The following ABCC4 variants were observed in gnomAD, a reference collection of about 807,000 sequenced individuals.
ABCC4 encodes the protein ATP-binding cassette sub-family C member 4.
In ABCC4, 102 loss-of-function variants were observed where a neutral mutation model predicts 168.5. The observed-to-expected ratio is 0.61, with a 90% CI of 0.52 to 0.71. The LOEUF (loss-of-function observed/expected upper bound fraction) is 0.71. Among genes scored for constraint, ABCC4 ranks in the 30% least tolerant of loss-of-function variants. ABCC4 has a pLI of 0.00. For synonymous variants in ABCC4, 617 were observed against 590.7 expected, an observed-to-expected ratio of 1.04 and a Z score of -0.65; for missense variants, 1,402 against 1,605.8, an observed-to-expected ratio of 0.87 and a Z score of 2.17.
chr13:95,265,586 C>G (rs2138863688), intron 1 of ABCC4, among the ~76,000 whole-genome samples: 1 of 152,238 alleles, frequency 6.6e-6, no homozygotes, highest in Middle Eastern at 3.4e-3. Context: ...TAGGAAATTA[C>G]TGAACAGCTG....
intron 4 of ABCC4, among the ~76,000 whole-genome samples, chr13:95,215,091 A>G (rs1231372790): frequency 6.6e-6 from 1 of 152,188 alleles, no homozygotes; most frequent in Non-Finnish European, 1.5e-5. Context: ...GATCTACAGA[A>G]AGAATAAAGA....
In ABCC4 at chr13:95,217,396, T is replaced by C. The variant is rs2039146884; in HGVS notation, c.532-6615A>G. Among the ~76,000 whole-genome samples, 4 of 152,156 alleles carry C rather than the reference T, an allele frequency of 2.6e-5. No homozygotes were observed. In the South Asian group the frequency reaches 8.3e-4, roughly 32 times the overall value. ...ATTAAATGCATTAATCCAATCTTCA[T>C]TTTAACAGATGTCTTTCCCCCCTCT... On this transcript the variant is annotated intron_variant, in intron 4 of 30. Transcript: ENST00000645237.
intron 20 of ABCC4, among the ~76,000 whole-genome samples, chr13:95,090,427 A>C (rs1186911275): frequency 8.5e-5 from 13 of 152,248 alleles, no homozygotes; most frequent in Admixed American, 7.2e-4. Flanking sequence ...ACCCAAAGAG[A>C]TCTCTGTGAG....
chr13:95,247,567 C>T lies in ABCC4; in HGVS notation c.185+76G>A. 20 of 1,142,970 alleles carry T rather than the reference C, an allele frequency of 1.7e-5. 1 individual carries two copies. In the South Asian group the frequency reaches 1.9e-4, roughly 11 times the overall value. 70.8% of individuals were successfully genotyped at this position (1,142,970 alleles called of 1,614,324 possible). On this transcript the variant is annotated intron_variant, in intron 2 of 30. Coordinates refer to ENST00000645237, the MANE Select transcript of ABCC4 (RefSeq NM_005845.5). ...GGTAAACGGAGGCTCCAGACAGGAC[C>T]CAGGAAGGCAAAACCCACTCCCCAC...
intron 4 of ABCC4, among the ~76,000 whole-genome samples, chr13:95,212,992 T>G (rs958983594): frequency 1.3e-5 from 2 of 152,078 alleles, no homozygotes; most frequent in African/African-American, 4.8e-5. Context: ...CCAGGCATGA[T>G]GGCAGGTGCC....
rs1183766111 is a variant in ABCC4 at position 95,021,479 on chromosome 13, ATTTGT to A, written c.*91_*95del. On this transcript the variant is annotated 3_prime_UTR_variant, in exon 31 of 31. Coordinates refer to ENST00000645237, the MANE Select transcript of ABCC4 (RefSeq NM_005845.5). The stretch of plus-strand genomic sequence containing the variant: ...GAACTAGCATCTTGTATGTATAAAT[ATTTGT>A]TGCCAAAGTAAAAAAAAGTACAATG... 1.3e-6 allele frequency: 1 copy of A among 770,908 alleles called. No homozygotes were observed. The highest frequency in any genetic ancestry group is 2.5e-5 in the Admixed American group (1 of 40,070). The allele number at this position is 770,908 out of a possible 1,614,324, so 47.8% of individuals were successfully genotyped here.
At chr13:95,048,284 T>C (rs938852438) in intron 27 of ABCC4, among the ~76,000 whole-genome samples, 1 of 152,180 alleles carries the variant, frequency 6.6e-6, no homozygotes, top group African/African-American at 2.4e-5. Flanking sequence ...TCAAACACAA[T>C]GTATCAGGTT....
chr13:95,046,766 TA>T (rs113569912), intron 27 of ABCC4, among the ~76,000 whole-genome samples: 9 of 148,130 alleles, frequency 6.1e-5, no homozygotes, highest in East Asian at 2.0e-4. Context: ...CTGTCTCAAT[TA>T]AAAAAAAAAG....
chr13:95,293,265 G>A (rs1295183238), intron 1 of ABCC4, among the ~76,000 whole-genome samples: 1 of 151,934 alleles, frequency 6.6e-6, no homozygotes, highest in Admixed American at 6.6e-5. Flanking sequence ...GGCTGCGGCA[G>A]GAGAATCGCT....
intron 7 of ABCC4, 128 bp from the exon 8 acceptor site, chr13:95,206,909 C>CAA: frequency 1.9e-6 from 2 of 1,025,932 alleles, no homozygotes; most frequent in Non-Finnish European, 2.9e-6. Context: ...TGAGACCATC[C>CAA]TGGGCAACAA....
chr13:95,140,622 G>GA (rs1045775819), intron 19 of ABCC4, among the ~76,000 whole-genome samples: 26 of 150,270 alleles, frequency 1.7e-4, no homozygotes, highest in African/African-American at 5.9e-4. Context: ...AACTTTAAAG[G>GA]AAAAAAAAAG....
intron 19 of ABCC4, among the ~76,000 whole-genome samples, chr13:95,122,301 G>A (rs567065539): frequency 6.6e-6 from 1 of 152,038 alleles, no homozygotes; most frequent in Non-Finnish European, 1.5e-5. Flanking sequence ...AACATCTTAC[G>A]CGTATCTAAA....
intron 27 of ABCC4, among the ~76,000 whole-genome samples, chr13:95,050,848 C>T (rs1334925396): frequency 6.6e-6 from 1 of 152,230 alleles, no homozygotes; most frequent in African/African-American, 2.4e-5. Flanking sequence ...AACATTTCTT[C>T]ACTGTTCATA....
intron 21 of ABCC4, among the ~76,000 whole-genome samples, chr13:95,082,821 C>T (rs1373142181): frequency 6.6e-6 from 1 of 152,066 alleles, no homozygotes; most frequent in Non-Finnish European, 1.5e-5. Flanking sequence ...TAATTAAGTG[C>T]CGGCTTTGTG....
chr13:95,136,945 G>C (rs1594161785), intron 19 of ABCC4, among the ~76,000 whole-genome samples: 1 of 152,246 alleles, frequency 6.6e-6, no homozygotes, highest in East Asian at 1.9e-4. Flanking sequence ...TTGACACCCA[G>C]AGTTGGGCCA....
intron 5 of ABCC4, among the ~76,000 whole-genome samples, chr13:95,210,405 C>G (rs1477853152): frequency 1.3e-5 from 2 of 152,190 alleles, no homozygotes; most frequent in African/African-American, 4.8e-5. Context: ...AGATGTGCCA[C>G]CCTTGAATTT....
intron 26 of ABCC4, among the ~76,000 whole-genome samples, chr13:95,058,898 C>T (rs1200022323): frequency 3.9e-5 from 6 of 152,212 alleles, no homozygotes; most frequent in South Asian, 2.1e-4. Flanking sequence ...CAGTGAGGCA[C>T]GCTGTTCTTC....
intron 19 of ABCC4, among the ~76,000 whole-genome samples, chr13:95,150,900 T>A (rs921484622): frequency 2.6e-5 from 4 of 152,220 alleles, no homozygotes; most frequent in Admixed American, 2.0e-4. Flanking sequence ...TTAGAGATTA[T>A]GATCTGAAAT....
chr13:95,024,282 C>T (rs1408534994), intron 30 of ABCC4, among the ~76,000 whole-genome samples: 1 of 149,652 alleles, frequency 6.7e-6, no homozygotes, highest in African/African-American at 2.5e-5. Context: ...GGGATAATAA[C>T]AGCAGTTCAG....
Sources: gnomAD v4.1 joint callset for allele counts (sites outside exome capture counted in the v4.1 genomes callset) on GRCh38, gnomAD v4.1.1 for gene constraint, MANE v1.5 for transcripts, NCBI Gene and HGNC (gene_info 2026-07-23, HGNC 2026-07-21) for gene names.